DYNC1I1: variants seen among roughly 807,000 people sequenced by gnomAD.
DYNC1I1 encodes the protein dynein cytoplasmic 1 intermediate chain 1.
In DYNC1I1, 43 loss-of-function variants were observed where a neutral mutation model predicts 86.6. That is an observed-to-expected ratio of 0.50 (90% CI 0.39 to 0.64). The LOEUF is 0.64. DYNC1I1 is among the 30% of genes least tolerant of loss of function. The pLI, the probability that DYNC1I1 is intolerant of heterozygous loss-of-function variation, is 0.00. For synonymous variants in DYNC1I1, 262 were observed against 283.7 expected (o/e 0.92, Z 0.77); for missense variants, 604 against 788.8 (o/e 0.77, Z 2.81).
intron 16 of DYNC1I1, among the ~76,000 whole-genome samples, chr7:96,081,450 T>C (rs1414075698): frequency 6.6e-6 from 1 of 152,202 alleles, no homozygotes; most frequent in African/African-American, 2.4e-5. Flanking sequence ...ATTTTTACTG[T>C]ATGAGAAAGT....
rs141993169 is a variant in DYNC1I1, at chr7:95,978,028, T to G, written c.580+427T>G. On this transcript the variant is annotated intron_variant, in intron 7 of 16. Transcript: ENST00000447467. ...GTGATCAACGCTAGTAACTCTGCTA[T>G]TAAAATTTTTCTTCTGCAACTCTGC... is the stretch of plus-strand genomic sequence containing the variant. Among the ~76,000 whole-genome samples, 336 of 152,334 alleles carry G rather than the reference T, an allele frequency of 2.2e-3. 3 individuals are homozygous for G. Among genetic ancestry groups the G allele is most frequent in the African/African-American group, 7.6e-3 (314 of 41,582 alleles).
At position 96,097,987 on chromosome 7, in the gene DYNC1I1, A is replaced by T; in HGVS notation, c.*394A>T. The T allele has an allele frequency of 1.0e-6, 1 of 1,000,014 alleles. No homozygotes were observed. The highest frequency in any genetic ancestry group is 1.2e-6 in the Non-Finnish European group (1 of 838,236). The allele number at this position is 1,000,014 out of a possible 1,614,324, so 61.9% of individuals were successfully genotyped here. ...ATTGGGTGCAGATGTGGTGTTCCTC[A>T]TATTATGGTACAGGGCCAAAGACTT... On this transcript the variant is annotated 3_prime_UTR_variant, in exon 17 of 17. Transcript: ENST00000447467.
intron 14 of DYNC1I1, among the ~76,000 whole-genome samples, chr7:96,053,427 T>A (rs1025683783): frequency 1.3e-5 from 2 of 152,188 alleles, no homozygotes; most frequent in Admixed American, 1.3e-4. Flanking sequence ...GCTTTTCTTT[T>A]TATCAACTTA....
intron 3 of DYNC1I1, among the ~76,000 whole-genome samples, chr7:95,812,504 G>T (rs146477334): frequency 6.6e-6 from 1 of 152,262 alleles, no homozygotes; most frequent in African/African-American, 2.4e-5. Context: ...TCTTCAGAGT[G>T]GCAGCTTACT....
chr7:95,895,054 C>T (rs1031348903), intron 6 of DYNC1I1, among the ~76,000 whole-genome samples: 12 of 152,136 alleles, frequency 7.9e-5, no homozygotes, highest in South Asian at 4.1e-4. Context: ...ATGGTTTCAC[C>T]GGGATTCAGA....
At chr7:95,789,065 TA>T (rs1416413979) in intron 1 of DYNC1I1, among the ~76,000 whole-genome samples, 1 of 152,196 alleles carries the variant, frequency 6.6e-6, no homozygotes, top group Non-Finnish European at 1.5e-5. Flanking sequence ...CTACATTTTT[TA>T]AAAAGTCTTG....
chr7:95,939,405 T>G (rs1325565958), intron 6 of DYNC1I1, among the ~76,000 whole-genome samples: 1 of 152,150 alleles, frequency 6.6e-6, no homozygotes, highest in Non-Finnish European at 1.5e-5. Context: ...GGTGTTAAAG[T>G]CTCCCATTAT....
At chr7:95,966,680 C>G (rs1359161230) in intron 6 of DYNC1I1, among the ~76,000 whole-genome samples, 2 of 152,184 alleles carry the variant, frequency 1.3e-5, no homozygotes, top group African/African-American at 4.8e-5. Context: ...GAAAGCTCAT[C>G]ATGTTTGCCT....
chr7:96,097,019 A>G (rs1287322529), intron 16 of DYNC1I1, among the ~76,000 whole-genome samples: 1 of 152,158 alleles, frequency 6.6e-6, no homozygotes, highest in Non-Finnish European at 1.5e-5. Context: ...CTTTGTATAT[A>G]TAAGCTATTC....
At chr7:96,099,854 G>A (rs941057988), downstream of DYNC1I1, among the ~76,000 whole-genome samples, 2 of 152,164 alleles carry the variant, frequency 1.3e-5, no homozygotes, top group African/African-American at 4.8e-5. Flanking sequence ...CCTCCACCTA[G>A]GTTTCTTGGC....
chr7:95,858,723 A>G (rs1198695157), intron 5 of DYNC1I1, among the ~76,000 whole-genome samples: 1 of 151,708 alleles, frequency 6.6e-6, no homozygotes, highest in Non-Finnish European at 1.5e-5. Flanking sequence ...ATTGTTGACC[A>G]AAACATCATT....
intron 16 of DYNC1I1, among the ~76,000 whole-genome samples, chr7:96,094,307 A>G (rs1332523058): frequency 6.6e-6 from 1 of 152,216 alleles, no homozygotes; most frequent in Admixed American, 6.5e-5. Context: ...TGTAAGAAAC[A>G]TGAACAAAGA....
chr7:95,855,865 GGTTA>G (rs147295274), intron 5 of DYNC1I1, among the ~76,000 whole-genome samples: 10,763 of 152,164 alleles, frequency 0.071, 465 homozygotes, highest in Non-Finnish European at 0.096. Context: ...AGTTGCTCTG[GGTTA>G]GTTAGTGAGT....
At chr7:95,823,498 G>A (rs1015676464) in intron 4 of DYNC1I1, among the ~76,000 whole-genome samples, 1 of 152,128 alleles carries the variant, frequency 6.6e-6, no homozygotes, top group African/African-American at 2.4e-5. Context: ...TTTCTTCCTT[G>A]TAGATGTTAT....
At chr7:95,952,960 A>G (rs1792599301) in intron 6 of DYNC1I1, among the ~76,000 whole-genome samples, 1 of 151,876 alleles carries the variant, frequency 6.6e-6, no homozygotes, top group African/African-American at 2.4e-5. Context: ...AGATCTCAAG[A>G]GTCCAGGGGT....
intron 14 of DYNC1I1, among the ~76,000 whole-genome samples, chr7:96,047,228 T>C (rs1228092224): frequency 6.6e-6 from 1 of 152,172 alleles, no homozygotes; most frequent in Admixed American, 6.5e-5. Context: ...TTCCCACCTT[T>C]TAATACTATC....
chr7:95,970,327 C>T (rs1299816925), intron 6 of DYNC1I1, among the ~76,000 whole-genome samples: 1 of 152,164 alleles, frequency 6.6e-6, no homozygotes, highest in Non-Finnish European at 1.5e-5. Context: ...CCTCCTGCAG[C>T]CTCCACGTTG....
chr7:95,794,482 G>A lies in DYNC1I1; in HGVS notation c.-9-10239G>A, dbSNP rs1366558761. 2.6e-5 allele frequency among the ~76,000 whole-genome samples: 4 copies of A among 152,252 alleles called. No individual in the cohort carries two copies. In the South Asian group the frequency reaches 8.3e-4, roughly 32 times the overall value. Reference sequence around the variant, plus strand: ...TAAATTGGTGGAATGCACCATAGGGGTCAGAAATTAAACAAAAATTTTCCA... The same window carrying A: ...TAAATTGGTGGAATGCACCATAGGGATCAGAAATTAAACAAAAATTTTCCA... On this transcript the variant is annotated intron_variant, in intron 1 of 16. Coordinates refer to ENST00000447467, the MANE Select transcript of DYNC1I1 (RefSeq NM_001135556.2).
intron 6 of DYNC1I1, among the ~76,000 whole-genome samples, chr7:95,926,327 T>C (rs958301438): frequency 6.6e-6 from 1 of 152,212 alleles, no homozygotes; most frequent in East Asian, 1.9e-4. Flanking sequence ...GCATTTATAC[T>C]GTGAAGTACT....
Sources: allele counts gnomAD v4.1 joint callset (sites outside exome capture counted in the v4.1 genomes callset), GRCh38; gene constraint gnomAD v4.1.1; transcripts MANE v1.5; gene names NCBI Gene and HGNC (gene_info 2026-07-23, HGNC 2026-07-21).